The following WDR48 variants were observed in gnomAD, a reference collection of about 807,000 sequenced individuals.
WDR48 encodes WD repeat domain 48.
WDR48 carries 22 observed loss-of-function variants against 94.0 expected under a neutral mutation model. The ratio of observed to expected loss-of-function variants is 0.23; its 90% confidence interval spans 0.17 to 0.33. The LOEUF is 0.33. Among genes scored for constraint, WDR48 ranks in the 10% least tolerant of loss-of-function variants. WDR48 has a pLI of 1.00. For synonymous variants in WDR48, 278 were observed against 280.5 expected (o/e 0.99, Z 0.09); for missense variants, 541 against 813.8 (o/e 0.66, Z 4.08).
chr3:39,062,072 A>G (rs2033305265), intron 1 of WDR48, among the ~76,000 whole-genome samples: 1 of 152,168 alleles, frequency 6.6e-6, no homozygotes, highest in African/African-American at 2.4e-5. Flanking sequence ...CTCTGATGAT[A>G]GTTTCTTTTG....
Position 39,095,717 on chromosome 3 carries a change from T to TATACATA in WDR48, c.*974_*975insATACATA, listed in dbSNP as rs2035303677. ...AGTATACATATTTGTTTTTCCAAAGTTTTATATGCAGGTTTTTGTTGTACC... is the reference window on the plus strand; with the variant it reads ...AGTATACATATTTGTTTTTCCAAAGTATACATATTTATATGCAGGTTTTTGTTGTACC... On this transcript the variant is annotated 3_prime_UTR_variant, in exon 19 of 19. Transcript: ENST00000302313. The TATACATA allele has an allele frequency of 6.6e-6, 1 of 152,526 alleles. No individual in the cohort carries two copies. The highest frequency in any genetic ancestry group is 2.4e-5 in the African/African-American group (1 of 41,452). The allele number at this position is 152,526 out of a possible 1,614,324, so 9.4% of individuals were successfully genotyped here.
At chr3:39,052,642 A>T (rs1219894080) in intron 1 of WDR48, 5 of 152,742 alleles carry the variant, frequency 3.3e-5, no homozygotes, top group Non-Finnish European at 7.3e-5. Context: ...GGGAAATTAT[A>T]ATTTTAATTG....
At chr3:39,090,751 G>C (rs889372333) in intron 16 of WDR48, 1 of 152,034 alleles carries the variant, frequency 6.6e-6, no homozygotes, top group African/African-American at 2.4e-5. Context: ...TGTACTGTTG[G>C]TCTATTTTGT....
intron 1 of WDR48, among the ~76,000 whole-genome samples, chr3:39,055,505 C>A (rs2032818806): frequency 6.6e-6 from 1 of 151,998 alleles, no homozygotes; most frequent in Non-Finnish European, 1.5e-5. Context: ...TAAAATGATA[C>A]TTAAAATCAG....
At chr3:39,054,187 CATA>C (rs1559591720) in intron 1 of WDR48, among the ~76,000 whole-genome samples, 2 of 152,160 alleles carry the variant, frequency 1.3e-5, no homozygotes, top group Non-Finnish European at 2.9e-5. Flanking sequence ...CAAACAAAAA[CATA>C]AATTAGAGTT....
chr3:39,084,276 TGATACTTGTATGATTTGG>T lies in WDR48; in HGVS notation c.1281+19_1281+36del, dbSNP rs762315512. ...TTAAAAACAGGGGTAAGTTAGCAAT[TGATACTTGTATGATTTGG>T]GATAATTGAAGATTTTCATTATAGC... On this transcript the variant is annotated intron_variant, in intron 12 of 18. Transcript: ENST00000302313. 9 of 1,537,630 alleles carry T rather than the reference TGATACTTGTATGATTTGG, an allele frequency of 5.9e-6. No homozygotes were observed. The East Asian group carries it at 2.0e-4, about 35-fold the overall frequency.
At chr3:39,077,824 A>G (rs1272966777) in intron 9 of WDR48, among the ~76,000 whole-genome samples, 1 of 151,608 alleles carries the variant, frequency 6.6e-6, no homozygotes, top group Non-Finnish European at 1.5e-5. Context: ...CTTTCTGTAT[A>G]CTTATTTTTT....
At position 39,084,305 on chromosome 3, in the gene WDR48, G is replaced by A. The variant is rs767571158; in HGVS notation, c.1281+43G>A. ...ACTTGTATGATTTGGGATAATTGAAGATTTTCATTATAGCTTATAATTATT... is the reference window on the plus strand; with the variant it reads ...ACTTGTATGATTTGGGATAATTGAAAATTTTCATTATAGCTTATAATTATT... On this transcript the variant is annotated intron_variant, in intron 12 of 18. Coordinates refer to ENST00000302313, the MANE Select transcript of WDR48 (RefSeq NM_020839.4). 4 of 1,389,830 alleles carry A rather than the reference G, an allele frequency of 2.9e-6. No individual in the cohort carries two copies. The South Asian group carries it at 5.3e-5, about 18-fold the overall frequency. The allele number at this position is 1,389,830 out of a possible 1,614,324, so 86.1% of individuals were successfully genotyped here. A position where few individuals can be genotyped will look rare whatever the true frequency, so the allele number is the denominator to read the frequency against.
At chr3:39,083,602 A>G (rs1277633319) in intron 11 of WDR48, among the ~76,000 whole-genome samples, 2 of 152,192 alleles carry the variant, frequency 1.3e-5, no homozygotes, top group Non-Finnish European at 2.9e-5. Flanking sequence ...GAAGGTGGCA[A>G]GGTCAGAGGT....
chr3:39,095,004 G>T lies in WDR48; in HGVS notation c.*261G>T. The T allele has an allele frequency of 2.0e-6, 1 of 510,612 alleles. No homozygotes were observed. The highest frequency in any genetic ancestry group is 3.5e-6 in the Non-Finnish European group (1 of 289,544). 31.6% of individuals were successfully genotyped at this position (510,612 alleles called of 1,614,324 possible). A position where few individuals can be genotyped will look rare whatever the true frequency, so the allele number is the denominator to read the frequency against. The stretch of plus-strand genomic sequence containing the variant: ...CAGACTATGTCTTTCAAGATGTACA[G>T]AAGACTGACAACAGGCCAGTGCAGA... On this transcript the variant is annotated 3_prime_UTR_variant, in exon 19 of 19. Transcript: ENST00000302313.
chr3:39,074,694 C>G, intron 7 of WDR48, 32 bp from the exon 8 acceptor site: 1 of 1,608,736 alleles, frequency 6.2e-7, no homozygotes, highest in South Asian at 1.1e-5. Context: ...AACTTTGTGG[C>G]AAGTTCTAAC....
At chr3:39,052,331 C>G (rs1311786968) in intron 1 of WDR48, 4 of 488,586 alleles carry the variant, frequency 8.2e-6, no homozygotes, top group Non-Finnish European at 1.5e-5. Context: ...TGTCGCCGCT[C>G]TTCTGTAGGA....
chr3:39,069,612 AGTTT>A (rs764576773), intron 6 of WDR48, 27 bp from the exon 7 acceptor site: 2 of 1,533,252 alleles, frequency 1.3e-6, no homozygotes, highest in African/African-American at 2.8e-5. Context: ...TGATATATTT[AGTTT>A]GTGTAATACT....
At chr3:39,085,234 A>G (rs2034753276) in intron 13 of WDR48, among the ~76,000 whole-genome samples, 1 of 152,112 alleles carries the variant, frequency 6.6e-6, no homozygotes, top group South Asian at 2.1e-4. Context: ...CTCAAAAAAA[A>G]AAAAAATCTG....
Position 39,063,031 on chromosome 3 carries a change from A to G in WDR48, c.49-19A>G. On this transcript the variant is annotated intron_variant, in intron 1 of 18. Transcript: ENST00000302313. ...ATGGCTTGTACTTTATAAAAAGCATATGTTGACACATTTGTCAGGTTTCCT... is the reference window on the plus strand; with the variant it reads ...ATGGCTTGTACTTTATAAAAAGCATGTGTTGACACATTTGTCAGGTTTCCT... 6.2e-7 allele frequency: 1 copy of G among 1,613,690 alleles called. No homozygotes were observed. The highest frequency in any genetic ancestry group is 2.2e-5 in the East Asian group (1 of 44,874).
At chr3:39,091,864 G>A (rs954760690) in intron 17 of WDR48, among the ~76,000 whole-genome samples, 163 bp downstream of exon 17, 6 of 152,106 alleles carry the variant, frequency 3.9e-5, no homozygotes, top group African/African-American at 1.4e-4. Flanking sequence ...AACTTTGGCC[G>A]ATTACAGGTG....
intron 10 of WDR48, 85 bp downstream of exon 10, chr3:39,078,324 C>T: frequency 1.1e-6 from 1 of 907,044 alleles, no homozygotes; most frequent in Non-Finnish European, 1.8e-6. Flanking sequence ...AATGACCTTT[C>T]TTTAAATATA....
intron 9 of WDR48, 118 bp from the exon 10 acceptor site, chr3:39,078,019 G>A (rs1487143907): frequency 8.7e-6 from 6 of 692,658 alleles, no homozygotes; most frequent in African/African-American, 1.8e-5. Context: ...TTCGGTTGAT[G>A]TAGTGGTTGT....
At chr3:39,084,786 A>C (rs747735843) in intron 13 of WDR48, 45 bp downstream of exon 13, 5 of 1,533,834 alleles carry the variant, frequency 3.3e-6, no homozygotes, top group Non-Finnish European at 4.5e-6. Flanking sequence ...TCTAAAGAGA[A>C]GATGAATATG....
Sources: allele counts gnomAD v4.1 joint callset (sites outside exome capture counted in the v4.1 genomes callset), GRCh38; gene constraint gnomAD v4.1.1; transcripts MANE v1.5; gene names NCBI Gene and HGNC (gene_info 2026-07-23, HGNC 2026-07-21).